Variants in COL11A1 observed in about 807,000 individuals in gnomAD.
COL11A1 encodes collagen alpha-1(XI) chain.
A neutral mutation model predicts 265.2 loss-of-function variants in COL11A1; 74 were observed. That is an observed-to-expected ratio of 0.28 (90% CI 0.23 to 0.34). COL11A1 has a LOEUF of 0.34. Ranked by LOEUF, COL11A1 falls within the 10% of genes least tolerant of loss-of-function variation. The pLI, the probability that COL11A1 is intolerant of heterozygous loss-of-function variation, is 1.00. For missense variants in COL11A1, 2,165 were observed against 2,263.6 expected (o/e 0.96, Z 0.88); for synonymous variants, 816 against 727.6 (o/e 1.12, Z -1.96).
At chr1:103,068,200 T>C (rs1249052557) in intron 4 of COL11A1, among the ~76,000 whole-genome samples, 1 of 151,680 alleles carries the variant, frequency 6.6e-6, no homozygotes, top group Admixed American at 6.6e-5. Flanking sequence ...AAAGATATTT[T>C]ACAAAATGGA....
At chr1:102,973,214 C>T (rs1315108720) in intron 36 of COL11A1, among the ~76,000 whole-genome samples, 5 of 152,110 alleles carry the variant, frequency 3.3e-5, no homozygotes, top group African/African-American at 1.2e-4. Context: ...ATAAAAATCA[C>T]TTTGTTTATC....
chr1:103,021,926 C>A (rs1243103936), intron 8 of COL11A1, among the ~76,000 whole-genome samples, 157 bp from the exon 9 acceptor site: 2 of 151,428 alleles, frequency 1.3e-5, no homozygotes, highest in African/African-American at 2.4e-5. Context: ...CCGCTCACTG[C>A]AAGCTCGCCT....
At chr1:102,879,952 C>A (rs754513405) in intron 65 of COL11A1, 36 bp from the exon 66 acceptor site, 5 of 1,314,320 alleles carry the variant, frequency 3.8e-6, no homozygotes, top group Non-Finnish European at 4.4e-6. Flanking sequence ...CCTAATGACT[C>A]TTTTCCTCTT....
At chr1:102,920,248 A>C in intron 49 of COL11A1, 63 bp downstream of exon 49, 1 of 1,420,754 alleles carries the variant, frequency 7.0e-7, no homozygotes, top group Non-Finnish European at 1.0e-6. Context: ...TTAAACTACT[A>C]CCCAATATTA....
chr1:103,044,724 A>T (rs1367413553), intron 4 of COL11A1, among the ~76,000 whole-genome samples: 8 of 152,268 alleles, frequency 5.3e-5, no homozygotes, highest in South Asian at 4.1e-4. Context: ...ATATTTATTC[A>T]TTCACTAAAA....
In COL11A1 at chr1:102,917,846, GC is replaced by G. The variant is rs201013963; in HGVS notation, c.3763-2163del. 1.6e-4 allele frequency among the ~76,000 whole-genome samples: 24 copies of G among 151,594 alleles called. No individual in the cohort carries two copies. In the East Asian group the frequency reaches 4.4e-3, roughly 28 times the overall value. On this transcript the variant is annotated intron_variant, in intron 49 of 66. Coordinates refer to ENST00000370096, the MANE Select transcript of COL11A1 (RefSeq NM_001854.4). ...ATATTCTGCTTCAAAAAAAGTATGA[GC>G]TTTTTACTACAAAGTTTCATTTTTA...
intron 4 of COL11A1, among the ~76,000 whole-genome samples, chr1:103,033,220 TTATC>T (rs1480165246): frequency 1.3e-5 from 2 of 152,106 alleles, no homozygotes; most frequent in African/African-American, 2.4e-5. Flanking sequence ...ATGCCGCAGT[TTATC>T]TATCAGTTTC....
intron 24 of COL11A1, among the ~76,000 whole-genome samples, chr1:102,999,438 T>C (rs1051040160): frequency 2.6e-5 from 4 of 151,936 alleles, no homozygotes; most frequent in South Asian, 4.1e-4. Flanking sequence ...CTTGTTATTT[T>C]ATACTGGACT....
chr1:102,918,417 T>A (rs191133205), intron 49 of COL11A1, among the ~76,000 whole-genome samples: 6 of 152,060 alleles, frequency 3.9e-5, no homozygotes. Flanking sequence ...TTAGACAAAA[T>A]GCAATGTGAC....
At chr1:103,099,720 A>C (rs1674088106) in intron 1 of COL11A1, among the ~76,000 whole-genome samples, 1 of 151,910 alleles carries the variant, frequency 6.6e-6, no homozygotes, top group Non-Finnish European at 1.5e-5. Flanking sequence ...AGGTATTAAC[A>C]AAACAAAGTT....
chr1:102,922,862 G>A (rs757710958), intron 47 of COL11A1, among the ~76,000 whole-genome samples: 4 of 152,096 alleles, frequency 2.6e-5, no homozygotes, highest in African/African-American at 4.8e-5. Flanking sequence ...AAAATTGGGG[G>A]CAATGTTGAA....
At chr1:103,002,078 G>A (rs770937204) in intron 23 of COL11A1, 109 bp from the exon 24 acceptor site, 1 of 936,988 alleles carries the variant, frequency 1.1e-6, no homozygotes, top group Non-Finnish European at 1.7e-6. Flanking sequence ...ATAAGAATCT[G>A]TATATATTCC....
intron 9 of COL11A1, among the ~76,000 whole-genome samples, chr1:103,020,241 C>A (rs1232571216): frequency 6.8e-6 from 1 of 146,114 alleles, no homozygotes; most frequent in Admixed American, 6.9e-5. Flanking sequence ...CACATCCTCT[C>A]CAGCACCTGT....
At chr1:103,086,554 C>T (rs1394252208) in intron 1 of COL11A1, among the ~76,000 whole-genome samples, 1 of 152,120 alleles carries the variant, frequency 6.6e-6, no homozygotes, top group African/African-American at 2.4e-5. Flanking sequence ...GTAGCTGGGA[C>T]TCCAGGCGCC....
intron 4 of COL11A1, among the ~76,000 whole-genome samples, chr1:103,054,082 A>C (rs13374856): frequency 0.035 from 5,260 of 152,212 alleles, 328 homozygotes; most frequent in African/African-American, 0.12. Context: ...TGAATTTGGA[A>C]TTGGATTGTT....
intron 13 of COL11A1, among the ~76,000 whole-genome samples, chr1:103,013,683 A>T (rs1024205406): frequency 3.9e-5 from 6 of 151,932 alleles, no homozygotes; most frequent in Non-Finnish European, 7.4e-5. Context: ...ATTTTTACAC[A>T]TGCTGCATAA....
At position 102,976,289 on chromosome 1, in the gene COL11A1, C is replaced by CTTTTTTTTTTTTTTTTTTTT. The variant is rs149842131; in HGVS notation, c.2755-1426_2755-1407dup. On this transcript the variant is annotated intron_variant, in intron 35 of 66. Transcript: ENST00000370096. ...TATAAAATTTCACAGAAAACGTTGG[C>CTTTTTTTTTTTTTTTTTTTT]TTTTTTTTTTTTTTTTTTTTTTTTT... 1.2e-4 allele frequency among the ~76,000 whole-genome samples: 7 copies of CTTTTTTTTTTTTTTTTTTTT among 58,578 alleles called. 2 individuals are homozygous for CTTTTTTTTTTTTTTTTTTTT. The highest frequency in any genetic ancestry group is 1.6e-4 in the Non-Finnish European group (5 of 31,088). 38.4% of individuals were successfully genotyped at this position (58,578 alleles called of 152,430 possible).
rs1425339729 is a variant in COL11A1, at chr1:102,887,056, C to T, written c.4609G>A (p.Gly1537Ser). 1 of 1,613,480 alleles carries T rather than the reference C, an allele frequency of 6.2e-7. No homozygotes were observed. ...SGLPGPPGSP[G>S]PPGEVIQPLP... ...GGCTGAATGACTTCACCAGGTGGACCCTGTAAAGAAGATAATGTGAGTGCA... is the reference window on the plus strand; with the variant it reads ...GGCTGAATGACTTCACCAGGTGGACTCTGTAAAGAAGATAATGTGAGTGCA... Residue 1537 changes from glycine to serine, a missense_variant and splice_region_variant, in exon 63 of 67, where the codon GGT becomes AGT. Physicochemically the swap from Gly to Ser is moderately conservative, Grantham distance 56 (BLOSUM62 0). Coordinates refer to ENST00000370096, the MANE Select transcript of COL11A1 (RefSeq NM_001854.4).
intron 41 of COL11A1, among the ~76,000 whole-genome samples, chr1:102,952,278 T>C (rs901254212): frequency 6.6e-6 from 1 of 152,164 alleles, no homozygotes; most frequent in Non-Finnish European, 1.5e-5. Flanking sequence ...TTTGTATTTT[T>C]AGTAGAGACA....
Sources: gnomAD v4.1 joint callset for allele counts (sites outside exome capture counted in the v4.1 genomes callset) on GRCh38, gnomAD v4.1.1 for gene constraint, MANE v1.5 for transcripts, NCBI Gene and HGNC (gene_info 2026-07-23, HGNC 2026-07-21) for gene names.